ST8SIA2: variants seen among roughly 807,000 people sequenced by gnomAD.
The protein encoded by ST8SIA2 is ST8 alpha-N-acetyl-neuraminide alpha-2,8-sialyltransferase 2.
A neutral mutation model predicts 37.6 loss-of-function variants in ST8SIA2; 22 were observed. That is an observed-to-expected ratio of 0.58 (90% CI 0.42 to 0.83). The LOEUF is 0.83. Ranked by LOEUF, ST8SIA2 falls within the 40% of genes least tolerant of loss-of-function variation. The pLI is 0.00. For missense variants in ST8SIA2, 382 were observed against 484.7 expected (o/e 0.79, Z 1.99); for synonymous variants, 205 against 201.2 (o/e 1.02, Z -0.16).
intron 5 of ST8SIA2, among the ~76,000 whole-genome samples, chr15:92,458,020 C>A (rs2049931612): frequency 6.6e-6 from 1 of 152,218 alleles, no homozygotes; most frequent in Non-Finnish European, 1.5e-5. Flanking sequence ...TTCTTACCTA[C>A]ATCTTCCCAT....
chr15:92,459,202 A>G (rs2049940893), intron 5 of ST8SIA2, among the ~76,000 whole-genome samples: 1 of 152,202 alleles, frequency 6.6e-6, no homozygotes, highest in Non-Finnish European at 1.5e-5. Flanking sequence ...AGACCTTGCT[A>G]TCAGAAAATA....
intron 4 of ST8SIA2, among the ~76,000 whole-genome samples, chr15:92,440,849 C>T (rs150372290): frequency 1.8e-4 from 28 of 152,324 alleles, no homozygotes; most frequent in African/African-American, 6.3e-4. Context: ...TTAAATGAGA[C>T]GGCATATGTG....
rs1345696401 is a variant in ST8SIA2 at position 92,465,830 on chromosome 15, G to A, written c.*1445G>A. 6.6e-6 allele frequency: 1 copy of A among 152,148 alleles called. No individual in the cohort carries two copies. Among genetic ancestry groups the A allele is most frequent in the Non-Finnish European group, 1.5e-5 (1 of 68,026 alleles). 9.4% of individuals were successfully genotyped at this position (152,148 alleles called of 1,614,324 possible). On this transcript the variant is annotated 3_prime_UTR_variant, in exon 6 of 6. Transcript: ENST00000268164. The stretch of plus-strand genomic sequence containing the variant: ...GGACATAATCTCCCAGGGAAATCTG[G>A]GCTCGAGGCCTACAACTTAGGGGCT...
chr15:92,451,707 A>G (rs752513065), intron 5 of ST8SIA2, among the ~76,000 whole-genome samples: 7 of 152,170 alleles, frequency 4.6e-5, no homozygotes, highest in Admixed American at 1.3e-4. Context: ...GAACGCTTAC[A>G]TGCCGCACGC....
chr15:92,395,401 G>A (rs1320123919), intron 1 of ST8SIA2, among the ~76,000 whole-genome samples: 2 of 152,212 alleles, frequency 1.3e-5, no homozygotes, highest in African/African-American at 4.8e-5. Flanking sequence ...CAGGCGGGAT[G>A]CCGAGGCCCC....
chr15:92,403,893 C>T (rs1402300921), intron 1 of ST8SIA2, among the ~76,000 whole-genome samples: 1 of 152,176 alleles, frequency 6.6e-6, no homozygotes, highest in Non-Finnish European at 1.5e-5. Context: ...GAGAAACTCC[C>T]CGTGGTGTTC....
intron 1 of ST8SIA2, among the ~76,000 whole-genome samples, chr15:92,427,545 T>A (rs913610426): frequency 6.6e-6 from 1 of 151,484 alleles, no homozygotes; most frequent in Non-Finnish European, 1.5e-5. Flanking sequence ...TCTGTCGACA[T>A]TTTTTTTTGT....
At chr15:92,405,910 A>C (rs1023164798) in intron 1 of ST8SIA2, among the ~76,000 whole-genome samples, 2 of 152,134 alleles carry the variant, frequency 1.3e-5, no homozygotes, top group Admixed American at 6.5e-5. Context: ...AGTTGCAAGG[A>C]GGGCCCAGAG....
chr15:92,459,750 C>T (rs1047511860), intron 5 of ST8SIA2, among the ~76,000 whole-genome samples: 1 of 152,194 alleles, frequency 6.6e-6, no homozygotes, highest in Non-Finnish European at 1.5e-5. Context: ...AGGTGCATGC[C>T]TCCACGCCCA....
intron 1 of ST8SIA2, among the ~76,000 whole-genome samples, chr15:92,418,846 T>C (rs1409811089): frequency 6.6e-6 from 1 of 152,182 alleles, no homozygotes; most frequent in Non-Finnish European, 1.5e-5. Flanking sequence ...GGAGGAATTT[T>C]ATGCCATTTT....
chr15:92,461,943 T>C (rs1230545114), intron 5 of ST8SIA2, among the ~76,000 whole-genome samples: 1 of 152,220 alleles, frequency 6.6e-6, no homozygotes, highest in Non-Finnish European at 1.5e-5. Context: ...CCAGAGCCAT[T>C]GCCCTGTTCT....
chr15:92,453,737 C>G (rs756543330), intron 5 of ST8SIA2, among the ~76,000 whole-genome samples: 2 of 152,156 alleles, frequency 1.3e-5, no homozygotes, highest in Non-Finnish European at 2.9e-5. Flanking sequence ...AGAGAAGGTT[C>G]CAAGGAACAA....
intron 5 of ST8SIA2, among the ~76,000 whole-genome samples, chr15:92,460,022 C>T (rs778678099): frequency 5.3e-5 from 8 of 152,218 alleles, no homozygotes; most frequent in Non-Finnish European, 8.8e-5. Flanking sequence ...ACTGCCTTCA[C>T]AACACTGAGG....
intron 1 of ST8SIA2, among the ~76,000 whole-genome samples, chr15:92,419,026 T>G (rs1234462345): frequency 6.6e-6 from 1 of 152,060 alleles, no homozygotes; most frequent in African/African-American, 2.4e-5. Context: ...AGGGGACATT[T>G]GCCTCCCCAC....
At chr15:92,409,231 A>G (rs1472624230) in intron 1 of ST8SIA2, among the ~76,000 whole-genome samples, 1 of 152,150 alleles carries the variant, frequency 6.6e-6, no homozygotes, top group Non-Finnish European at 1.5e-5. Flanking sequence ...TAACAAGGAG[A>G]TTAATGAGGG....
In ST8SIA2 at chr15:92,393,990, G is replaced by C; in HGVS notation, c.-75G>C. On this transcript the variant is annotated 5_prime_UTR_variant, in exon 1 of 6. Coordinates refer to ENST00000268164, the MANE Select transcript of ST8SIA2 (RefSeq NM_006011.4). ...GCTGCGCGCGGCGCGCGGAGGCTCC[G>C]GCGTCCGCCGCTGCGCCCTCCGGCC... is the stretch of plus-strand genomic sequence containing the variant. The C allele has an allele frequency of 2.7e-6, 3 of 1,107,468 alleles. No homozygotes were observed. The highest frequency in any genetic ancestry group is 3.6e-6 in the Non-Finnish European group (3 of 829,274). 68.6% of individuals were successfully genotyped at this position (1,107,468 alleles called of 1,614,324 possible).
intron 1 of ST8SIA2, chr15:92,422,747 G>C (rs1248320889): frequency 1.3e-5 from 2 of 152,666 alleles, no homozygotes; most frequent in Non-Finnish European, 2.9e-5. Context: ...AGCACCTTTG[G>C]TTGTTCTGCA....
At position 92,460,043 on chromosome 15, in the gene ST8SIA2, G is replaced by A. The variant is rs75095991; in HGVS notation, c.843-4057G>A. 6.3e-3 allele frequency among the ~76,000 whole-genome samples: 955 copies of A among 152,296 alleles called. 13 individuals are homozygous for A. Among genetic ancestry groups the A allele is most frequent in the East Asian group, 0.04 (208 of 5,186 alleles). ...TTCACAACACTGAGGCTGGGTGTTC[G>A]TTTTTCTTACACATGTCCCAAATCC... On this transcript the variant is annotated intron_variant, in intron 5 of 5. Transcript: ENST00000268164.
chr15:92,441,744 C>A (rs967379827), intron 4 of ST8SIA2, among the ~76,000 whole-genome samples: 1 of 152,172 alleles, frequency 6.6e-6, no homozygotes, highest in Non-Finnish European at 1.5e-5. Context: ...ATTCTATGTA[C>A]TTCATGTTTA....
Sources: allele counts gnomAD v4.1 joint callset (sites outside exome capture counted in the v4.1 genomes callset), GRCh38; gene constraint gnomAD v4.1.1; transcripts MANE v1.5; gene names NCBI Gene and HGNC (gene_info 2026-07-23, HGNC 2026-07-21).